PPCDC: variants seen among roughly 807,000 people sequenced by gnomAD.
The protein encoded by PPCDC is phosphopantothenoylcysteine decarboxylase.
Under a neutral mutation model 20.7 loss-of-function variants are expected in PPCDC, and 20 were observed. That is an observed-to-expected ratio of 0.97 (90% confidence interval 0.68 to 1.41). PPCDC has a LOEUF of 1.41. Ranked by LOEUF, PPCDC falls within the 40% of genes most tolerant of loss-of-function variation. The probability of loss-of-function intolerance (pLI) is 0.00; values close to 1 mark genes in which losing one functional copy is unlikely to be tolerated. For synonymous variants in PPCDC, 88 were observed against 100.3 expected (o/e 0.88, Z 0.73); for missense variants, 246 against 263.8 (o/e 0.93, Z 0.47).
chr15:75,044,598 C>G, intron 4 of PPCDC, 84 bp downstream of exon 4: 1 of 1,532,342 alleles, frequency 6.5e-7, no homozygotes, highest in Non-Finnish European at 8.8e-7. Context: ...ACAAGGAGAC[C>G]TGCTGCTGTG....
intron 5 of PPCDC, 91 bp from the exon 6 acceptor site, chr15:75,049,059 C>A: frequency 8.0e-7 from 1 of 1,253,724 alleles, no homozygotes; most frequent in Admixed American, 1.7e-5. Context: ...AGGCCTTGGG[C>A]TCTGGGTGGA....
At chr15:75,036,190 G>C (rs1157422815) in intron 2 of PPCDC, among the ~76,000 whole-genome samples, 1 of 152,140 alleles carries the variant, frequency 6.6e-6, no homozygotes, top group African/African-American at 2.4e-5. Flanking sequence ...GCTGGGAAAA[G>C]GTCAAGGTAA....
At chr15:75,046,600 C>G (rs894219206) in intron 4 of PPCDC, among the ~76,000 whole-genome samples, 1 of 152,276 alleles carries the variant, frequency 6.6e-6, no homozygotes, top group Admixed American at 6.5e-5. Context: ...GGTTTTCCCT[C>G]GAAGTCACAA....
chr15:75,029,086 A>G (rs1244945616), intron 2 of PPCDC, among the ~76,000 whole-genome samples: 1 of 152,054 alleles, frequency 6.6e-6, no homozygotes, highest in African/African-American at 2.4e-5. Flanking sequence ...CAAGGCTTTA[A>G]ACAGCGTGAA....
chr15:75,031,299 G>T (rs541691230), intron 2 of PPCDC, among the ~76,000 whole-genome samples: 1 of 152,194 alleles, frequency 6.6e-6, no homozygotes, highest in East Asian at 1.9e-4. Flanking sequence ...TTGAGTGGCA[G>T]TAAAATCCGG....
chr15:75,026,293 C>A (rs1002678324), intron 1 of PPCDC, among the ~76,000 whole-genome samples: 3 of 152,194 alleles, frequency 2.0e-5, no homozygotes, highest in African/African-American at 7.2e-5. Context: ...CCATCACCTA[C>A]CAATGATGTG....
chr15:75,036,340 A>C (rs1247101182), intron 2 of PPCDC, among the ~76,000 whole-genome samples: 1 of 152,232 alleles, frequency 6.6e-6, no homozygotes, highest in Non-Finnish European at 1.5e-5. Context: ...ATAAAAGAAC[A>C]AAGCCCATAG....
intron 4 of PPCDC, among the ~76,000 whole-genome samples, chr15:75,048,256 T>TTCCCTGGTTGC (rs545736638): frequency 2.0e-3 from 308 of 152,274 alleles, no homozygotes; most frequent in African/African-American, 7.1e-3. Flanking sequence ...AGGGTTGCTT[T>TTCCCTGGTTGC]TCCCAGGAGG....
chr15:75,032,229 T>C (rs1439078646), intron 2 of PPCDC, among the ~76,000 whole-genome samples: 2 of 152,102 alleles, frequency 1.3e-5, no homozygotes, highest in East Asian at 3.8e-4. Context: ...GTCAGCAGAA[T>C]TCAGAGCCAA....
At position 75,039,788 on chromosome 15, in the gene PPCDC, G is replaced by T. The variant is rs911450777; in HGVS notation, c.136-3653G>T. Among the ~76,000 whole-genome samples, 49 of 142,762 alleles carry T rather than the reference G, an allele frequency of 3.4e-4. 1 individual carries two copies. The South Asian group carries it at 7.7e-3, about 22-fold the overall frequency. 93.7% of individuals were successfully genotyped at this position (142,762 alleles called of 152,430 possible). On this transcript the variant is annotated intron_variant, in intron 2 of 5. Transcript: ENST00000342932. ...GAGAATTTACTTCTTTTCTTTCTTT[G>T]TTTTTTTTTTTTTGAGATGGAGTTT...
rs1421046918 is a variant in PPCDC, at chr15:75,050,390, A to G, written c.*1155A>G. The G allele has an allele frequency of 1.3e-5, 2 of 152,306 alleles. No homozygotes were observed. Among genetic ancestry groups the G allele is most frequent in the South Asian group, 2.1e-4 (1 of 4,836 alleles). The allele number at this position is 152,306 out of a possible 1,614,324, so 9.4% of individuals were successfully genotyped here. A position where few individuals can be genotyped will look rare whatever the true frequency, so the allele number is the denominator to read the frequency against. ...GACCAAGGGAAGTAGATCCAGAGAC[A>G]CCATGCACTCTGGCCCAGAAACCCT... On this transcript the variant is annotated 3_prime_UTR_variant, in exon 6 of 6. Coordinates refer to ENST00000342932, the MANE Select transcript of PPCDC (RefSeq NM_021823.5).
intron 4 of PPCDC, 91 bp from the exon 5 acceptor site, chr15:75,048,462 C>T (rs938802846): frequency 5.3e-6 from 8 of 1,523,438 alleles, no homozygotes; most frequent in Admixed American, 3.8e-5. Flanking sequence ...CTCAAGCCTA[C>T]AGCTGGGCTG....
chr15:75,041,489 G>A (rs1159164814), intron 2 of PPCDC, among the ~76,000 whole-genome samples: 1 of 152,100 alleles, frequency 6.6e-6, no homozygotes, highest in East Asian at 1.9e-4. Context: ...AAATTAGCTG[G>A]GCATGGTGAC....
At chr15:75,039,656 AATCTT>A (rs1165070337) in intron 2 of PPCDC, among the ~76,000 whole-genome samples, 3 of 152,004 alleles carry the variant, frequency 2.0e-5, no homozygotes, top group African/African-American at 4.8e-5. Flanking sequence ...CATCTAATCT[AATCTT>A]ATCTTGTAGG....
chr15:75,046,932 G>T (rs1047672286), intron 4 of PPCDC, among the ~76,000 whole-genome samples: 1 of 152,278 alleles, frequency 6.6e-6, no homozygotes, highest in Non-Finnish European at 1.5e-5. Context: ...CTGGCTAGGA[G>T]CTGGTCTCCT....
In PPCDC at chr15:75,024,009, A is replaced by C. The variant is rs190840678; in HGVS notation, c.-73+383A>C. 3.3e-3 allele frequency among the ~76,000 whole-genome samples: 500 copies of C among 152,302 alleles called. 2 individuals are homozygous for C. Among genetic ancestry groups the C allele is most frequent in the Non-Finnish European group, 4.8e-3 (326 of 68,028 alleles). ...CTTACCCGGGCTGCCCAAAGTACAA[A>C]GTGTATTTAAAAAGTTGGTAAAATT... On this transcript the variant is annotated intron_variant, in intron 1 of 5. Transcript: ENST00000342932.
chr15:75,030,051 T>C (rs569635006), intron 2 of PPCDC, among the ~76,000 whole-genome samples: 2 of 152,250 alleles, frequency 1.3e-5, no homozygotes, highest in African/African-American at 4.8e-5. Context: ...CTGGGCCCCA[T>C]GGGATGGCAG....
At chr15:75,044,084 A>T (rs1595911233) in intron 3 of PPCDC, among the ~76,000 whole-genome samples, 2 of 130,374 alleles carry the variant, frequency 1.5e-5, no homozygotes, top group South Asian at 5.0e-4. Flanking sequence ...GGCTTGGACA[A>T]CCCAAGCATC....
At chr15:75,036,969 C>T (rs1411995912) in intron 2 of PPCDC, among the ~76,000 whole-genome samples, 2 of 152,026 alleles carry the variant, frequency 1.3e-5, no homozygotes, top group African/African-American at 2.4e-5. Context: ...CCATGCCTGG[C>T]GCCCAATTTG....
Sources: gnomAD v4.1 joint callset for allele counts (sites outside exome capture counted in the v4.1 genomes callset) on GRCh38, gnomAD v4.1.1 for gene constraint, MANE v1.5 for transcripts, NCBI Gene and HGNC (gene_info 2026-07-23, HGNC 2026-07-21) for gene names.